The following MAGI2 variants were observed in gnomAD, a reference collection of about 807,000 sequenced individuals.
MAGI2 encodes membrane associated guanylate kinase, WW and PDZ domain containing 2, also known as membrane-associated guanylate kinase, WW and PDZ domain-containing protein 2.
A neutral mutation model predicts 133.3 loss-of-function variants in MAGI2; 35 were observed. The observed-to-expected ratio is 0.26, with a 90% CI of 0.20 to 0.35. The LOEUF (loss-of-function observed/expected upper bound fraction) is 0.35, where lower values mean the gene tolerates loss of function less well. MAGI2 is among the 10% of genes least tolerant of loss of function. The probability of loss-of-function intolerance (pLI) is 1.00; values close to 1 mark genes in which losing one functional copy is unlikely to be tolerated. For missense variants in MAGI2, 1,636 were observed against 1,863.4 expected (o/e 0.88, Z 2.25); for synonymous variants, 729 against 710.6 (o/e 1.03, Z -0.41).
Position 78,524,189 on chromosome 7 carries a change from C to A in MAGI2, c.539-2544G>T, listed in dbSNP as rs114459908. On this transcript the variant is annotated intron_variant, in intron 3 of 21. Transcript: ENST00000354212. ...GAGGGAGAGGGAGGGGGAGCCCTAC[C>A]GTCCACTGATTTTATCTCAGGGGCC... Among the ~76,000 whole-genome samples the A allele has an allele frequency of 7.3e-3, 1,117 of 152,232 alleles. 17 individuals carry two copies. The highest frequency in any genetic ancestry group is 0.025 in the African/African-American group (1,043 of 41,538).
At chr7:78,333,789 A>G (rs1219111785) in intron 9 of MAGI2, among the ~76,000 whole-genome samples, 1 of 152,228 alleles carries the variant, frequency 6.6e-6, no homozygotes, top group Non-Finnish European at 1.5e-5. Context: ...AGAGCTTCAT[A>G]TGACTGCAGC....
intron 2 of MAGI2, among the ~76,000 whole-genome samples, chr7:78,743,679 GGA>G (rs1822643865): frequency 6.6e-6 from 1 of 152,168 alleles, no homozygotes; most frequent in Non-Finnish European, 1.5e-5. Flanking sequence ...ATGAAAAAAT[GGA>G]GAGGTGTCTA....
chr7:78,753,248 A>C (rs1585295438), intron 2 of MAGI2, among the ~76,000 whole-genome samples: 1 of 140,568 alleles, frequency 7.1e-6, no homozygotes, highest in Non-Finnish European at 1.5e-5. Context: ...GTAATCAATA[A>C]ACAGACAGGA....
chr7:79,274,056 G>A (rs1240879587), intron 1 of MAGI2, among the ~76,000 whole-genome samples: 2 of 152,046 alleles, frequency 1.3e-5, no homozygotes, highest in African/African-American at 2.4e-5. Flanking sequence ...CCTGGAGGTA[G>A]GTTACCAAAG....
chr7:79,172,363 G>A (rs1825699957), intron 1 of MAGI2, among the ~76,000 whole-genome samples: 1 of 151,954 alleles, frequency 6.6e-6, no homozygotes, highest in African/African-American at 2.4e-5. Flanking sequence ...CCTCAATCAA[G>A]GAGAAACACA....
intron 13 of MAGI2, among the ~76,000 whole-genome samples, chr7:78,184,203 A>T (rs1054193615): frequency 1.3e-5 from 2 of 152,170 alleles, no homozygotes; most frequent in African/African-American, 4.8e-5. Flanking sequence ...TTAAATCTTG[A>T]TTTCATTTTG....
At chr7:78,255,898 C>G (rs748745382) in intron 10 of MAGI2, 45 bp downstream of exon 10, 1 of 1,571,276 alleles carries the variant, frequency 6.4e-7, no homozygotes, top group Non-Finnish European at 8.7e-7. Flanking sequence ...AATGATCCTA[C>G]TATTTTACCC....
intron 1 of MAGI2, among the ~76,000 whole-genome samples, chr7:79,244,296 C>G (rs1832654795): frequency 6.6e-6 from 1 of 152,224 alleles, no homozygotes; most frequent in Admixed American, 6.5e-5. Context: ...GAACCAAAAA[C>G]CAGGTGAGCA....
intron 3 of MAGI2, among the ~76,000 whole-genome samples, chr7:78,572,327 G>A (rs1287081906): frequency 6.6e-6 from 1 of 152,034 alleles, no homozygotes; most frequent in East Asian, 1.9e-4. Flanking sequence ...AATAAATATT[G>A]AAATGCAAAT....
intron 1 of MAGI2, among the ~76,000 whole-genome samples, chr7:79,354,700 G>T (rs1385206737): frequency 6.6e-6 from 1 of 152,116 alleles, no homozygotes; most frequent in East Asian, 1.9e-4. Flanking sequence ...ATCAAGTAGG[G>T]CATTTACCCA....
At chr7:79,237,130 T>C (rs1328101063) in intron 1 of MAGI2, among the ~76,000 whole-genome samples, 1 of 152,216 alleles carries the variant, frequency 6.6e-6, no homozygotes, top group African/African-American at 2.4e-5. Context: ...ACAGACTTGC[T>C]ACTACTAATA....
At chr7:79,121,075 A>G (rs982256126) in intron 1 of MAGI2, among the ~76,000 whole-genome samples, 3 of 152,128 alleles carry the variant, frequency 2.0e-5, no homozygotes, top group Admixed American at 6.5e-5. Context: ...TTCTTCTATA[A>G]CTTTTGCTTT....
intron 1 of MAGI2, among the ~76,000 whole-genome samples, chr7:79,203,628 T>G (rs1239804196): frequency 6.6e-6 from 1 of 152,010 alleles, no homozygotes; most frequent in Non-Finnish European, 1.5e-5. Context: ...AAAAAAATTG[T>G]AGAATATTAT....
chr7:79,106,593 T>C (rs908296755), intron 1 of MAGI2, among the ~76,000 whole-genome samples: 1 of 152,038 alleles, frequency 6.6e-6, no homozygotes, highest in East Asian at 1.9e-4. Context: ...CTACTAAGAG[T>C]CTTACAAACA....
intron 3 of MAGI2, among the ~76,000 whole-genome samples, chr7:78,555,712 T>C (rs1018300267): frequency 1.3e-5 from 2 of 152,182 alleles, no homozygotes; most frequent in Admixed American, 1.3e-4. Context: ...AAGCTTACCA[T>C]TACCACATTT....
At chr7:78,998,732 G>A (rs538668000) in intron 2 of MAGI2, among the ~76,000 whole-genome samples, 4 of 152,192 alleles carry the variant, frequency 2.6e-5, no homozygotes, top group African/African-American at 4.8e-5. Context: ...ATAAACTACC[G>A]TCTTTAAGTC....
At chr7:78,770,567 C>T (rs886393278) in intron 2 of MAGI2, among the ~76,000 whole-genome samples, 1 of 152,216 alleles carries the variant, frequency 6.6e-6, no homozygotes, top group Non-Finnish European at 1.5e-5. Flanking sequence ...GTTCTCCAAA[C>T]AGCCACCTGA....
chr7:78,171,788 A>G (rs527314197), intron 14 of MAGI2, among the ~76,000 whole-genome samples: 1 of 152,108 alleles, frequency 6.6e-6, no homozygotes, highest in East Asian at 1.9e-4. Flanking sequence ...TGCCCCATTC[A>G]TTACCTCCCT....
chr7:78,108,608 CTCTCTCTCTCTCAT>C (rs1371490220), intron 20 of MAGI2, among the ~76,000 whole-genome samples: 15 of 149,008 alleles, frequency 1.0e-4, no homozygotes, highest in Admixed American at 6.7e-4. Context: ...TGGGGTCGGT[CTCTCTCTCTCTCAT>C]TCTCTCTCTC....
Sources: allele counts gnomAD v4.1 joint callset (sites outside exome capture counted in the v4.1 genomes callset), GRCh38; gene constraint gnomAD v4.1.1; transcripts MANE v1.5; gene names NCBI Gene and HGNC (gene_info 2026-07-23, HGNC 2026-07-21).